Variants in ITM2B observed in about 807,000 individuals in gnomAD.
ITM2B encodes the protein integral membrane protein 2B.
Under a neutral mutation model 27.8 loss-of-function variants are expected in ITM2B, and 11 were observed. That is an observed-to-expected ratio of 0.40 (90% CI 0.25 to 0.66). ITM2B has a LOEUF of 0.66. ITM2B is among the 30% of genes least tolerant of loss of function. The probability of loss-of-function intolerance (pLI) is 0.43; values close to 1 mark genes in which losing one functional copy is unlikely to be tolerated. For synonymous variants in ITM2B, 114 were observed against 114.3 expected (o/e 1.00, Z 0.02); for missense variants, 296 against 328.9 (o/e 0.90, Z 0.77).
chr13:48,247,849 G>GGCCA (rs1240884380), intron 1 of ITM2B, among the ~76,000 whole-genome samples: 1 of 152,176 alleles, frequency 6.6e-6, no homozygotes, highest in African/African-American at 2.4e-5. Context: ...GGTGGTTATA[G>GGCCA]GCCAGCGTGT....
At chr13:48,242,884 GTTTA>G in intron 1 of ITM2B, among the ~76,000 whole-genome samples, 1 of 151,860 alleles carries the variant, frequency 6.6e-6, no homozygotes, top group Admixed American at 6.6e-5. Flanking sequence ...GTGGCTTAAG[GTTTA>G]TTTGTTTTAT....
chr13:48,233,493 G>C lies in ITM2B; in HGVS notation c.117+16G>C. 2 of 1,491,606 alleles carry C rather than the reference G, an allele frequency of 1.3e-6. No individual in the cohort carries two copies. The highest frequency in any genetic ancestry group is 1.8e-6 in the Non-Finnish European group (2 of 1,111,886). The allele number at this position is 1,491,606 out of a possible 1,614,324, so 92.4% of individuals were successfully genotyped here. On this transcript the variant is annotated intron_variant, in intron 1 of 5. Coordinates refer to ENST00000647800, the MANE Select transcript of ITM2B (RefSeq NM_021999.5). Reference sequence around the variant, plus strand: ...GGACTGCAAGGTCCGAGCCCGGGGAGGTCGAGGAAGCGGGTGCTGGGCCCG... The same window carrying C: ...GGACTGCAAGGTCCGAGCCCGGGGACGTCGAGGAAGCGGGTGCTGGGCCCG...
At chr13:48,240,667 T>G (rs944047149) in intron 1 of ITM2B, among the ~76,000 whole-genome samples, 9 of 152,236 alleles carry the variant, frequency 5.9e-5, no homozygotes, top group South Asian at 2.1e-4. Context: ...TGTTATTTAT[T>G]CATTACATAA....
chr13:48,250,255 A>C (rs1294868645), intron 1 of ITM2B, among the ~76,000 whole-genome samples: 1 of 152,160 alleles, frequency 6.6e-6, no homozygotes, highest in Non-Finnish European at 1.5e-5. Flanking sequence ...CCCTTCCCTT[A>C]TTATCACGCT....
chr13:48,236,590 C>G (rs984690314), intron 1 of ITM2B, among the ~76,000 whole-genome samples: 5 of 152,186 alleles, frequency 3.3e-5, no homozygotes, highest in African/African-American at 1.2e-4. Flanking sequence ...TCACTCTAAC[C>G]AGACTATTCC....
In ITM2B at chr13:48,233,463, G is replaced by C; in HGVS notation, c.103G>C (p.Ala35Pro). ...GCTCATCATCCCCCCCGACGCCGTC[G>C]CGGTGGACTGCAAGGTCCGAGCCCG... ...EALIIPPDAV[A>P]VDCKDPDDVV... The change falls in exon 1 of 6, where the codon GCG (alanine) becomes CCG (proline). Residue 35 changes from alanine to proline, a missense_variant. Physicochemically the swap from Ala to Pro is conservative, Grantham distance 27. Coordinates refer to ENST00000647800, the MANE Select transcript of ITM2B (RefSeq NM_021999.5). 6.5e-7 allele frequency: 1 copy of C among 1,532,112 alleles called. No individual in the cohort carries two copies. Among genetic ancestry groups the C allele is most frequent in the South Asian group, 1.2e-5 (1 of 81,840 alleles). The allele number at this position is 1,532,112 out of a possible 1,614,324, so 94.9% of individuals were successfully genotyped here. A position where few individuals can be genotyped will look rare whatever the true frequency, so the allele number is the denominator to read the frequency against.
At chr13:48,255,246 T>TGTGTGTGTGCGCGCGC (rs1951779148) in intron 2 of ITM2B, among the ~76,000 whole-genome samples, 1 of 120,110 alleles carries the variant, frequency 8.3e-6, no homozygotes, top group South Asian at 3.0e-4. Context: ...TGTGTGTGTG[T>TGTGTGTGTGCGCGCGC]GTGTGTGTGC....
chr13:48,254,834 T>A (rs1271885103), intron 2 of ITM2B: 1 of 152,098 alleles, frequency 6.6e-6, no homozygotes, highest in Non-Finnish European at 1.5e-5. Flanking sequence ...ATAGAAAAAA[T>A]CATCGCAATT....
In ITM2B at chr13:48,268,859, A is replaced by G. The variant is rs1951868309; in HGVS notation, c.*7635A>G. 1 of 152,204 alleles carries G rather than the reference A, an allele frequency of 6.6e-6. No homozygotes were observed. The allele number at this position is 152,204 out of a possible 1,614,324, so 9.4% of individuals were successfully genotyped here. On this transcript the variant is annotated 3_prime_UTR_variant, in exon 6 of 6. Coordinates refer to ENST00000647800, the MANE Select transcript of ITM2B (RefSeq NM_021999.5). ...AAATACATGACAATGCAGGAGTCCA[A>G]GTATTATTAGGTTTACAGTCATAAC...
chr13:48,250,856 G>C (rs926846913), intron 1 of ITM2B, among the ~76,000 whole-genome samples: 1 of 152,176 alleles, frequency 6.6e-6, no homozygotes, highest in Non-Finnish European at 1.5e-5. Flanking sequence ...AGATTAAACA[G>C]CTCTTCTATG....
rs991878027 is a variant in ITM2B at position 48,233,472 on chromosome 13, T to G, written c.112T>G (p.Cys38Gly). ...IIPPDAVAVDCKDPDDVVPVG... is the reference protein window; with the variant it reads ...IIPPDAVAVDGKDPDDVVPVG... ...CCCCCCCGACGCCGTCGCGGTGGAC[T>G]GCAAGGTCCGAGCCCGGGGAGGTCG... The change falls in exon 1 of 6, where the codon TGC becomes GGC. Residue 38 changes from cysteine (C) to glycine (G), a missense_variant. By Grantham distance (159) the Cys-to-Gly change is radical. Transcript: ENST00000647800. 1 of 1,526,156 alleles carries G rather than the reference T, an allele frequency of 6.6e-7. No homozygotes were observed. Among genetic ancestry groups the G allele is most frequent in the African/African-American group, 1.4e-5 (1 of 69,646 alleles). The allele number at this position is 1,526,156 out of a possible 1,614,324, so 94.5% of individuals were successfully genotyped here. A position where few individuals can be genotyped will look rare whatever the true frequency, so the allele number is the denominator to read the frequency against.
At chr13:48,250,611 C>G (rs1484233197) in intron 1 of ITM2B, among the ~76,000 whole-genome samples, 1 of 150,572 alleles carries the variant, frequency 6.6e-6, no homozygotes, top group Admixed American at 6.6e-5. Flanking sequence ...GAGCGAGACT[C>G]CATCTCAAAA....
intron 1 of ITM2B, among the ~76,000 whole-genome samples, chr13:48,252,097 T>G (rs1209438367): frequency 2.0e-5 from 3 of 152,238 alleles, no homozygotes; most frequent in Non-Finnish European, 4.4e-5. Flanking sequence ...GAATACACAT[T>G]GTTTGTTGTT....
At chr13:48,257,304 T>G (rs940341551) in intron 3 of ITM2B, among the ~76,000 whole-genome samples, 1 of 152,350 alleles carries the variant, frequency 6.6e-6, no homozygotes, top group Middle Eastern at 3.4e-3. Flanking sequence ...GTATTTAATA[T>G]GTTTACATTT....
chr13:48,250,597 A>G (rs527588192), intron 1 of ITM2B, among the ~76,000 whole-genome samples: 20 of 151,858 alleles, frequency 1.3e-4, no homozygotes, highest in Non-Finnish European at 1.8e-4. Flanking sequence ...CAGCCTGGGC[A>G]ACAGAGCGAG....
rs1354019215 is a variant in ITM2B at position 48,268,017 on chromosome 13, T to C, written c.*6793T>C. 2 of 152,196 alleles carry C rather than the reference T, an allele frequency of 1.3e-5. No individual in the cohort carries two copies. Among genetic ancestry groups the C allele is most frequent in the Non-Finnish European group, 2.9e-5 (2 of 68,040 alleles). 9.4% of individuals were successfully genotyped at this position (152,196 alleles called of 1,614,324 possible). On this transcript the variant is annotated 3_prime_UTR_variant, in exon 6 of 6. Coordinates refer to ENST00000647800, the MANE Select transcript of ITM2B (RefSeq NM_021999.5). The stretch of plus-strand genomic sequence containing the variant: ...GTTAACAATCATCAAAACATTTTCA[T>C]TGCCCCAGAAAATACCATTGTGCTC...
At chr13:48,236,958 A>G (rs1234757811) in intron 1 of ITM2B, among the ~76,000 whole-genome samples, 1 of 152,236 alleles carries the variant, frequency 6.6e-6, no homozygotes, top group African/African-American at 2.4e-5. Context: ...GGTGAGTGCA[A>G]GAGAGAAAGT....
intron 1 of ITM2B, among the ~76,000 whole-genome samples, chr13:48,238,216 C>A (rs1275291541): frequency 6.6e-6 from 1 of 152,086 alleles, no homozygotes; most frequent in Non-Finnish European, 1.5e-5. Flanking sequence ...TTGTGATTAT[C>A]CCTTTTAATT....
intron 1 of ITM2B, among the ~76,000 whole-genome samples, chr13:48,253,006 C>A (rs766478468): frequency 8.5e-5 from 13 of 152,254 alleles, no homozygotes; most frequent in Middle Eastern, 3.4e-3. Context: ...AAATAATGTT[C>A]TAATGCTAAA....
Sources: allele counts gnomAD v4.1 joint callset (sites outside exome capture counted in the v4.1 genomes callset), GRCh38; gene constraint gnomAD v4.1.1; transcripts MANE v1.5; gene names NCBI Gene and HGNC (gene_info 2026-07-23, HGNC 2026-07-21).